RAB8A: variants seen among roughly 807,000 people sequenced by gnomAD.
RAB8A encodes RAB8A, member RAS oncogene family.
Under a neutral mutation model 29.2 loss-of-function variants are expected in RAB8A, and 5 were observed. That is an observed-to-expected ratio of 0.17 (90% CI 0.09 to 0.36). The LOEUF (loss-of-function observed/expected upper bound fraction) is 0.36, where lower values mean the gene tolerates loss of function less well. RAB8A is among the 10% of genes least tolerant of loss of function. The pLI is 1.00. For synonymous variants in RAB8A, 108 were observed against 99.9 expected (o/e 1.08, Z -0.49); for missense variants, 171 against 272.2 (o/e 0.63, Z 2.62).
At position 16,121,998 on chromosome 19, in the gene RAB8A, C is replaced by T. The variant is rs556422773; in HGVS notation, c.246+188C>T. The T allele has an allele frequency of 8.2e-5, 44 of 537,890 alleles. 1 individual carries two copies. The South Asian group carries it at 9.4e-4, about 11-fold the overall frequency. 33.3% of individuals were successfully genotyped at this position (537,890 alleles called of 1,614,324 possible). A position where few individuals can be genotyped will look rare whatever the true frequency, so the allele number is the denominator to read the frequency against. On this transcript the variant is annotated intron_variant, in intron 3 of 7. Coordinates refer to ENST00000300935, the MANE Select transcript of RAB8A (RefSeq NM_005370.5). ...GGCCTACCCCCATGTACATACCTCC[C>T]CTTCTGGCTGCAGAGACAATGCAAG...
chr19:16,122,987 C>G lies in RAB8A; in HGVS notation c.246+1177C>G, dbSNP rs1203242970. On this transcript the variant is annotated intron_variant, in intron 3 of 7. Transcript: ENST00000300935. The surrounding 1 kb of genome is among the most constrained non-coding windows in gnomAD (Gnocchi z 4.7). ...CCAAATAGCCACCTTCCACCCTGCC[C>G]TGACCACCAAGCCCTCCCCTGCACC... is the stretch of plus-strand genomic sequence containing the variant. Among the ~76,000 whole-genome samples the G allele has an allele frequency of 6.6e-6, 1 of 152,228 alleles. No individual in the cohort carries two copies. The highest frequency in any genetic ancestry group is 6.5e-5 in the Admixed American group (1 of 15,278).
intron 6 of RAB8A, 92 bp downstream of exon 6, chr19:16,128,183 C>A: frequency 7.4e-7 from 1 of 1,342,302 alleles, no homozygotes; most frequent in Non-Finnish European, 1.0e-6. Context: ...GGAGGTCCTG[C>A]CAGACGGACC....
chr19:16,128,148 T>G (rs2090910062), intron 6 of RAB8A, 57 bp downstream of exon 6: 1 of 1,576,064 alleles, frequency 6.3e-7, no homozygotes, highest in African/African-American at 1.3e-5. Flanking sequence ...CCCTTCAGGC[T>G]AAAGGGGGAG....
chr19:16,126,171 C>T (rs2144993604), intron 4 of RAB8A: 1 of 177,122 alleles, frequency 5.6e-6, no homozygotes, highest in Non-Finnish European at 1.2e-5. Flanking sequence ...CTTTTCCCAT[C>T]TATAAAACCA....
chr19:16,126,067 C>T (rs1000840663), intron 4 of RAB8A: 1 of 205,882 alleles, frequency 4.9e-6, no homozygotes, highest in Non-Finnish European at 1.0e-5. Context: ...CCCCAAAGAG[C>T]TGACCTCACC....
rs755980452 is a variant in RAB8A at position 16,129,538 on chromosome 19, T to C, written c.481-16T>C. The stretch of plus-strand genomic sequence containing the variant: ...GTCCTGCCATCCCAAGGACTCACAA[T>C]GTGCTTATTCCACAGGCATTTTTCA... On this transcript the variant is annotated splice_polypyrimidine_tract_variant and intron_variant, in intron 6 of 7. Coordinates refer to ENST00000300935, the MANE Select transcript of RAB8A (RefSeq NM_005370.5). 6.8e-6 allele frequency: 11 copies of C among 1,613,868 alleles called. No homozygotes were observed. Among genetic ancestry groups the C allele is most frequent in the Admixed American group, 1.7e-5 (1 of 60,024 alleles).
At chr19:16,120,093 GT>G (rs1220827390) in intron 2 of RAB8A, among the ~76,000 whole-genome samples, 1 of 152,096 alleles carries the variant, frequency 6.6e-6, no homozygotes, top group Admixed American at 6.6e-5. Context: ...AATTACAGGC[GT>G]GAGCCACCGC....
intron 1 of RAB8A, among the ~76,000 whole-genome samples, chr19:16,114,510 G>A (rs1165411191): frequency 4.0e-5 from 6 of 149,942 alleles, no homozygotes; most frequent in Non-Finnish European, 7.4e-5. Context: ...CCAAGTAGCT[G>A]GGATTACAAG....
In RAB8A at chr19:16,127,091, G is replaced by T; in HGVS notation, c.325-346G>T. The T allele has an allele frequency of 5.5e-6, 1 of 180,602 alleles. No homozygotes were observed. The highest frequency in any genetic ancestry group is 1.2e-5 in the Non-Finnish European group (1 of 86,948). 11.2% of individuals were successfully genotyped at this position (180,602 alleles called of 1,614,324 possible). On this transcript the variant is annotated intron_variant, in intron 4 of 7. Coordinates refer to ENST00000300935, the MANE Select transcript of RAB8A (RefSeq NM_005370.5). The surrounding 1 kb of genome is among the most constrained non-coding windows in gnomAD (Gnocchi z 4.8). Reference sequence around the variant, plus strand: ...GGAGGGAAGGAGGAAAGCCAAGGTCGGGGGGTAAATATCTCAGCCTCACTC... The same window carrying T: ...GGAGGGAAGGAGGAAAGCCAAGGTCTGGGGGTAAATATCTCAGCCTCACTC...
Position 16,132,232 on chromosome 19 carries a change from G to T in RAB8A, c.552G>T (p.Gly184=). The change falls in exon 8 of 8, where the codon GGG becomes GGT. Residue 184 remains glycine, a synonymous_variant. Coordinates refer to ENST00000300935, the MANE Select transcript of RAB8A (RefSeq NM_005370.5). This position sits in a 1 kb window ranked among gnomAD's most constrained non-coding sequence, Gnocchi z 5.6. ...DKKLEGNSPQ[G]SNQGVKITPD... ...TTCAGGAAGGCAACAGCCCCCAGGG[G>T]AGCAACCAGGGAGTCAAAATCACAC... The T allele has an allele frequency of 6.2e-7, 1 of 1,614,052 alleles. No homozygotes were observed.
At chr19:16,129,027 C>T (rs915393516) in intron 6 of RAB8A, among the ~76,000 whole-genome samples, 1 of 152,246 alleles carries the variant, frequency 6.6e-6, no homozygotes, top group Non-Finnish European at 1.5e-5. Context: ...GCTCCCGCTC[C>T]CAGCCCTGCC....
chr19:16,127,260 T>C lies in RAB8A; in HGVS notation c.325-177T>C, dbSNP rs12610440. On this transcript the variant is annotated intron_variant, in intron 4 of 7. Coordinates refer to ENST00000300935, the MANE Select transcript of RAB8A (RefSeq NM_005370.5). The surrounding 1 kb of genome is among the most constrained non-coding windows in gnomAD (Gnocchi z 4.8). ...CCCTGGCCCCAGCCCTGGCATTGGC[T>C]GTGTGACATGGGGCCGGCTGCTTGG... Among the ~76,000 whole-genome samples the C allele has an allele frequency of 0.3, 46,189 of 152,008 alleles. 7,235 individuals are homozygous for C. The highest frequency in any genetic ancestry group is 0.35 in the South Asian group (1,711 of 4,822).
At chr19:16,115,807 C>G (rs901901014) in intron 1 of RAB8A, among the ~76,000 whole-genome samples, 1 of 152,158 alleles carries the variant, frequency 6.6e-6, no homozygotes, top group African/African-American at 2.4e-5. Context: ...TGTCAGTTCC[C>G]TGCCCCAGGG....
intron 7 of RAB8A, among the ~76,000 whole-genome samples, chr19:16,130,832 C>CT (rs1048655249): frequency 5.3e-5 from 8 of 150,266 alleles, no homozygotes; most frequent in Admixed American, 2.7e-4. Flanking sequence ...TTTTCTTTTT[C>CT]TTTTTTTTTG....
Position 16,127,996 on chromosome 19 carries a change from T to G in RAB8A, c.415-30T>G, listed in dbSNP as rs1447602315. 3.1e-6 allele frequency: 5 copies of G among 1,612,054 alleles called. No homozygotes were observed. The African/African-American group carries it at 6.7e-5, about 22-fold the overall frequency. On this transcript the variant is annotated intron_variant, in intron 5 of 7. Transcript: ENST00000300935. This position sits in a 1 kb window ranked among gnomAD's most constrained non-coding sequence, Gnocchi z 4.8. ...GCTCAGATGCGCCCGGCGGCTGGTG[T>G]GCTCATGCGTGTGCCTCCCTCTCTC...
chr19:16,114,617 C>G (rs2144982810), intron 1 of RAB8A, among the ~76,000 whole-genome samples: 1 of 149,370 alleles, frequency 6.7e-6, no homozygotes, highest in South Asian at 2.1e-4. Flanking sequence ...TCTCGAACTC[C>G]TGACCTCGTG....
At chr19:16,115,988 A>G (rs2090844317) in intron 1 of RAB8A, among the ~76,000 whole-genome samples, 1 of 152,152 alleles carries the variant, frequency 6.6e-6, no homozygotes, top group African/African-American at 2.4e-5. Flanking sequence ...TCTCATCTAC[A>G]TGGGCCATTA....
intron 7 of RAB8A, among the ~76,000 whole-genome samples, chr19:16,130,139 T>C (rs2090918860): frequency 6.8e-6 from 1 of 146,930 alleles, no homozygotes; most frequent in African/African-American, 2.5e-5. Context: ...ATCTACCCTC[T>C]CATTCGTTTC....
intron 4 of RAB8A, chr19:16,126,495 G>C (rs2090901773): frequency 6.6e-6 from 1 of 152,340 alleles, no homozygotes; most frequent in African/African-American, 2.4e-5. Flanking sequence ...CTGAGCTGGT[G>C]GAAGAAGACA....
Sources: allele counts gnomAD v4.1 joint callset (sites outside exome capture counted in the v4.1 genomes callset), GRCh38; gene constraint gnomAD v4.1.1; non-coding constraint Gnocchi (gnomAD v3.1); transcripts MANE v1.5; gene names NCBI Gene and HGNC (gene_info 2026-07-23, HGNC 2026-07-21).